Variants in SCHIP1 observed in about 807,000 individuals in gnomAD.
The protein encoded by SCHIP1 is schwannomin-interacting protein 1.
A neutral mutation model predicts 29.7 loss-of-function variants in SCHIP1; 8 were observed. The ratio of observed to expected loss-of-function variants is 0.27; its 90% CI spans 0.16 to 0.49. SCHIP1 has a LOEUF of 0.49. Among genes scored for constraint, SCHIP1 ranks in the 20% least tolerant of loss-of-function variants. The pLI is 0.99. For missense variants in SCHIP1, 193 were observed against 294.6 expected (o/e 0.66, Z 2.52); for synonymous variants, 76 against 94.9 (o/e 0.80, Z 1.16).
At chr3:159,871,320 G>A (rs1404556872) in intron 2 of SCHIP1, among the ~76,000 whole-genome samples, 5 of 119,850 alleles carry the variant, frequency 4.2e-5, no homozygotes, top group Admixed American at 1.2e-4. Context: ...CACTTTGTCC[G>A]GTCTTACCCT....
chr3:159,887,525 A>G, intron 3 of SCHIP1, 183 bp from the exon 5 acceptor site: 1 of 656,592 alleles, frequency 1.5e-6, no homozygotes, highest in South Asian at 1.9e-5. Flanking sequence ...TTATGCTAAA[A>G]TCTATTTTAA....
the SCHIP1 span, among the ~76,000 whole-genome samples, chr3:159,633,286 C>G: frequency 6.6e-6 from 1 of 152,168 alleles, no homozygotes; most frequent in East Asian, 1.9e-4. Flanking sequence ...GAAGCTCATC[C>G]CACAAGGGAC....
intron 1 of SCHIP1, chr3:159,853,016 G>A: frequency 5.6e-6 from 1 of 177,364 alleles, no homozygotes; most frequent in Non-Finnish European, 1.2e-5. Flanking sequence ...CTGAAGCTGA[G>A]TGCCTCTCTT....
the SCHIP1 span, among the ~76,000 whole-genome samples, chr3:159,633,599 G>A: frequency 2.6e-4 from 40 of 152,334 alleles, 1 homozygote; most frequent in Middle Eastern, 6.8e-3. Context: ...AAAGAATGGA[G>A]TAGTTCCCTG....
At chr3:159,600,341 C>T in the SCHIP1 span, among the ~76,000 whole-genome samples, 1 of 152,194 alleles carries the variant, frequency 6.6e-6, no homozygotes, top group Non-Finnish European at 1.5e-5. Flanking sequence ...CTTGTATATT[C>T]AGATGCTTTA....
At chr3:159,515,848 T>C in the SCHIP1 span, among the ~76,000 whole-genome samples, 2 of 152,178 alleles carry the variant, frequency 1.3e-5, no homozygotes, top group African/African-American at 2.4e-5. Context: ...GCGAATAAAA[T>C]AGACAAAAAC....
At chr3:159,818,654 T>G in the SCHIP1 span, among the ~76,000 whole-genome samples, 1 of 152,352 alleles carries the variant, frequency 6.6e-6, no homozygotes, top group East Asian at 1.9e-4. Flanking sequence ...CCAGGGGCTT[T>G]GCAATCCTGA....
chr3:159,560,522 T>G, the SCHIP1 span, among the ~76,000 whole-genome samples: 1 of 152,194 alleles, frequency 6.6e-6, no homozygotes, highest in Non-Finnish European at 1.5e-5. Context: ...GCTGGTATCA[T>G]TCTTCCTCCT....
At chr3:159,398,166 G>A in the SCHIP1 span, among the ~76,000 whole-genome samples, 1 of 152,180 alleles carries the variant, frequency 6.6e-6, no homozygotes, top group African/African-American at 2.4e-5. Flanking sequence ...GTGAGGCAAT[G>A]CCTCACCCTG....
chr3:159,574,562 G>C, the SCHIP1 span, among the ~76,000 whole-genome samples: 4 of 152,334 alleles, frequency 2.6e-5, no homozygotes, highest in African/African-American at 9.6e-5. Context: ...AGGCTACACG[G>C]GGGTCAGGGA....
At chr3:159,563,223 T>C in the SCHIP1 span, among the ~76,000 whole-genome samples, 1 of 152,238 alleles carries the variant, frequency 6.6e-6, no homozygotes, top group Non-Finnish European at 1.5e-5. Flanking sequence ...CTTACATTTC[T>C]TTAATATTAT....
chr3:159,290,788 T>G, the SCHIP1 span, among the ~76,000 whole-genome samples: 1 of 152,150 alleles, frequency 6.6e-6, no homozygotes, highest in African/African-American at 2.4e-5. Flanking sequence ...TTACAGTGTT[T>G]TAATTTATAA....
the SCHIP1 span, among the ~76,000 whole-genome samples, chr3:159,558,771 T>C: frequency 6.6e-6 from 1 of 152,160 alleles, no homozygotes; most frequent in African/African-American, 2.4e-5. Flanking sequence ...GAAAGCATTT[T>C]CTATCAGCTA....
intron 2 of SCHIP1, among the ~76,000 whole-genome samples, chr3:159,885,649 T>C (rs2109428638): frequency 6.6e-6 from 1 of 152,240 alleles, no homozygotes; most frequent in East Asian, 1.9e-4. Context: ...TGTGAACCTG[T>C]GGTGTTTTCC....
At chr3:159,849,460 A>G (rs1712283057) in intron 1 of SCHIP1, among the ~76,000 whole-genome samples, 1 of 152,218 alleles carries the variant, frequency 6.6e-6, no homozygotes, top group Non-Finnish European at 1.5e-5. Flanking sequence ...GTGGACTACG[A>G]CATTAACCCA....
At chr3:159,550,111 T>TTAATTA in the SCHIP1 span, among the ~76,000 whole-genome samples, 2 of 148,416 alleles carry the variant, frequency 1.3e-5, no homozygotes, top group Non-Finnish European at 2.9e-5. Context: ...CTTAAGAAAA[T>TTAATTA]TAATTATCTT....
the SCHIP1 span, chr3:159,274,300 T>A: frequency 3.0e-6 from 3 of 984,724 alleles, no homozygotes; most frequent in Non-Finnish European, 3.6e-6. Context: ...AGTGTTAAAC[T>A]TTTTCAATTT....
the SCHIP1 span, among the ~76,000 whole-genome samples, chr3:159,807,763 G>C: frequency 6.6e-6 from 1 of 152,332 alleles, no homozygotes; most frequent in African/African-American, 2.4e-5. Context: ...GCATGAGACA[G>C]GGCTGTGTCA....
rs202168246 is a variant in SCHIP1, at chr3:159,853,791, C to CA, written c.31-12364dup. Among the ~76,000 whole-genome samples, 425 of 151,776 alleles carry CA rather than the reference C, an allele frequency of 2.8e-3. 1 individual carries two copies. Among genetic ancestry groups the CA allele is most frequent in the African/African-American group, 9.7e-3 (403 of 41,388 alleles). On this transcript the variant is annotated intron_variant, in intron 1 of 6. Coordinates refer to ENST00000445224, the Ensembl canonical transcript of SCHIP1. Reference sequence around the variant, plus strand: ...TTGACATATATTTACAGTTCACTGGCAAAAAAAATTACTAGAATGTTTAAC... The same window carrying CA: ...TTGACATATATTTACAGTTCACTGGCAAAAAAAAATTACTAGAATGTTTAAC...
Sources: allele counts gnomAD v4.1 joint callset (sites outside exome capture counted in the v4.1 genomes callset), GRCh38; gene constraint gnomAD v4.1.1; transcripts MANE v1.5; gene names NCBI Gene and HGNC (gene_info 2026-07-23, HGNC 2026-07-21).